The following AGAP1 variants were observed in gnomAD, a reference collection of about 807,000 sequenced individuals.
AGAP1 encodes arf-GAP with GTPase, ANK repeat and PH domain-containing protein 1.
Under a neutral mutation model 105.3 loss-of-function variants are expected in AGAP1, and 29 were observed. That is an observed-to-expected ratio of 0.28 (90% CI 0.21 to 0.38). AGAP1 has a LOEUF of 0.38. AGAP1 is among the 10% of genes least tolerant of loss of function. The pLI, the probability that AGAP1 is intolerant of heterozygous loss-of-function variation, is 1.00. For missense variants in AGAP1, 998 were observed against 1,165.1 expected (o/e 0.86, Z 2.09); for synonymous variants, 509 against 485.9 (o/e 1.05, Z -0.63).
intron 1 of AGAP1, among the ~76,000 whole-genome samples, chr2:235,589,360 C>T (rs1289165191): frequency 6.6e-6 from 1 of 151,914 alleles, no homozygotes; most frequent in Non-Finnish European, 1.5e-5. Flanking sequence ...CGCCTGCCAC[C>T]ATGCCCGGCT....
At chr2:235,743,566 C>T (rs1952714699) in intron 4 of AGAP1, among the ~76,000 whole-genome samples, 1 of 152,142 alleles carries the variant, frequency 6.6e-6, no homozygotes, top group South Asian at 2.1e-4. Flanking sequence ...TTCAAGTCCT[C>T]ATTCTCATTT....
chr2:236,089,381 A>G lies in AGAP1; in HGVS notation c.2115-30811A>G, dbSNP rs556565789. 1.3e-5 allele frequency among the ~76,000 whole-genome samples: 2 copies of G among 152,350 alleles called. No individual in the cohort carries two copies. Among genetic ancestry groups the G allele is most frequent in the East Asian group, 1.9e-4 (1 of 5,190 alleles). ...GCCTCTCAGTCTCCCAGTTGCAAAG[A>G]TGCCATCCCAGGTCAAGCTGAGGTC... On this transcript the variant is annotated intron_variant, in intron 16 of 17. Coordinates refer to ENST00000304032, the MANE Select transcript of AGAP1 (RefSeq NM_001037131.3). This position sits in a 1 kb window ranked among gnomAD's most constrained non-coding sequence, Gnocchi z 5.6.
chr2:235,593,859 C>G (rs7559054), intron 1 of AGAP1, among the ~76,000 whole-genome samples: 1 of 151,780 alleles, frequency 6.6e-6, no homozygotes, highest in Non-Finnish European at 1.5e-5. Flanking sequence ...GTCCCAGCTG[C>G]TTGGGAGGCT....
At chr2:235,709,335 C>T in intron 2 of AGAP1, 98 bp downstream of exon 2, 1 of 1,378,132 alleles carries the variant, frequency 7.3e-7, no homozygotes, top group Non-Finnish European at 1.0e-6. Flanking sequence ...GCCTGGGGCC[C>T]AGAGTGGAAG....
intron 13 of AGAP1, among the ~76,000 whole-genome samples, chr2:236,021,414 A>C (rs1206912511): frequency 6.6e-6 from 1 of 152,104 alleles, no homozygotes; most frequent in Non-Finnish European, 1.5e-5. Flanking sequence ...CCTGATGGCC[A>C]TGCTGGACTC....
intron 1 of AGAP1, among the ~76,000 whole-genome samples, chr2:235,575,651 C>G (rs1340577374): frequency 3.3e-5 from 5 of 152,216 alleles, no homozygotes; most frequent in African/African-American, 4.8e-5. Context: ...GCCCTGGGCT[C>G]TACTCCTGGA....
At position 235,979,110 on chromosome 2, in the gene AGAP1, G is replaced by A. The variant is rs1050218010; in HGVS notation, c.1645+10487G>A. On this transcript the variant is annotated intron_variant, in intron 13 of 17. Transcript: ENST00000304032. This position sits in a 1 kb window ranked among gnomAD's most constrained non-coding sequence, Gnocchi z 4.5. ...TTTTCTTTTTTTGGATGACAGAAGTGTATTTGTGGGGTTTTTTTGTTGTTG... is the reference window on the plus strand; with the variant it reads ...TTTTCTTTTTTTGGATGACAGAAGTATATTTGTGGGGTTTTTTTGTTGTTG... Among the ~76,000 whole-genome samples, 5 of 149,610 alleles carry A rather than the reference G, an allele frequency of 3.3e-5. No homozygotes were observed. The highest frequency in any genetic ancestry group is 1.2e-4 in the African/African-American group (5 of 40,574).
chr2:235,754,646 A>G lies in AGAP1; in HGVS notation c.673+4158A>G, dbSNP rs776101756. Among the ~76,000 whole-genome samples the G allele has an allele frequency of 1.3e-5, 2 of 152,166 alleles. No homozygotes were observed. Among genetic ancestry groups the G allele is most frequent in the Non-Finnish European group, 2.9e-5 (2 of 68,028 alleles). ...GTGTGGTCCTGTTTACTTTGCTTTC[A>G]TGGAGTTTCCAGATGGCTACTGGCA... On this transcript the variant is annotated intron_variant, in intron 6 of 17. Transcript: ENST00000304032. The surrounding 1 kb of genome is among the most constrained non-coding windows in gnomAD (Gnocchi z 4.6).
rs963124123 is a variant in AGAP1 at position 235,611,912 on chromosome 2, C to A, written c.164-97267C>A. On this transcript the variant is annotated intron_variant, in intron 1 of 17. Coordinates refer to ENST00000304032, the MANE Select transcript of AGAP1 (RefSeq NM_001037131.3). The surrounding 1 kb of genome is among the most constrained non-coding windows in gnomAD (Gnocchi z 5.0). ...TGTGACTGGGAGCATTGCTGTTTGGCATGCTTGTGGGCACGGTTTAAGGGT... is the reference window on the plus strand; with the variant it reads ...TGTGACTGGGAGCATTGCTGTTTGGAATGCTTGTGGGCACGGTTTAAGGGT... Among the ~76,000 whole-genome samples, 2 of 152,144 alleles carry A rather than the reference C, an allele frequency of 1.3e-5. No homozygotes were observed. The highest frequency in any genetic ancestry group is 4.8e-5 in the African/African-American group (2 of 41,444).
At chr2:236,093,350 G>C (rs547537800) in intron 16 of AGAP1, among the ~76,000 whole-genome samples, 1 of 152,316 alleles carries the variant, frequency 6.6e-6, no homozygotes, top group South Asian at 2.1e-4. Context: ...CCTGGACAGA[G>C]ACCTGGTGGC....
At chr2:236,108,784 G>A (rs921378113) in intron 16 of AGAP1, among the ~76,000 whole-genome samples, 15 of 151,936 alleles carry the variant, frequency 9.9e-5, no homozygotes, top group Admixed American at 3.9e-4. Context: ...CCCCCAGAGC[G>A]CCCCAGCCCT....
intron 13 of AGAP1, among the ~76,000 whole-genome samples, chr2:235,972,586 C>A (rs1393516495): frequency 6.6e-6 from 1 of 152,200 alleles, no homozygotes; most frequent in Non-Finnish European, 1.5e-5. Context: ...ACCTGTCCGG[C>A]TGTGGTGACC....
intron 1 of AGAP1, among the ~76,000 whole-genome samples, chr2:235,696,316 G>T (rs1949995309): frequency 6.6e-6 from 1 of 152,336 alleles, no homozygotes; most frequent in South Asian, 2.1e-4. Context: ...AAAATGTTGG[G>T]ATTACAGGCG....
chr2:235,586,237 T>C lies in AGAP1; in HGVS notation c.163+91388T>C, dbSNP rs577295719. On this transcript the variant is annotated intron_variant, in intron 1 of 17. Coordinates refer to ENST00000304032, the MANE Select transcript of AGAP1 (RefSeq NM_001037131.3). This position sits in a 1 kb window ranked among gnomAD's most constrained non-coding sequence, Gnocchi z 4.2. ...GAGCCCTCAGCCCGCCATACGGGCA[T>C]GTTATCCAGAAGAGAGGAGAGAGAA... Among the ~76,000 whole-genome samples, 1 of 152,326 alleles carries C rather than the reference T, an allele frequency of 6.6e-6. No homozygotes were observed. The highest frequency in any genetic ancestry group is 1.5e-5 in the Non-Finnish European group (1 of 68,032).
chr2:235,876,034 C>T (rs1284325938), intron 9 of AGAP1, among the ~76,000 whole-genome samples: 2 of 152,152 alleles, frequency 1.3e-5, no homozygotes, highest in East Asian at 3.9e-4. Flanking sequence ...CCAAGATCTC[C>T]TTGCTATAAT....
At position 235,600,640 on chromosome 2, in the gene AGAP1, C is replaced by T. The variant is rs536247306; in HGVS notation, c.163+105791C>T. Among the ~76,000 whole-genome samples the T allele has an allele frequency of 6.6e-6, 1 of 152,228 alleles. No homozygotes were observed. The highest frequency in any genetic ancestry group is 2.4e-5 in the African/African-American group (1 of 41,474). Reference sequence around the variant, plus strand: ...GCTGAAGAACTTGGAGCCTGATGTTCGAGGGCAGGAAGCATCCAGCACAGG... The same window carrying T: ...GCTGAAGAACTTGGAGCCTGATGTTTGAGGGCAGGAAGCATCCAGCACAGG... On this transcript the variant is annotated intron_variant, in intron 1 of 17. Coordinates refer to ENST00000304032, the MANE Select transcript of AGAP1 (RefSeq NM_001037131.3). This position sits in a 1 kb window ranked among gnomAD's most constrained non-coding sequence, Gnocchi z 4.8.
chr2:235,797,808 A>T lies in AGAP1; in HGVS notation c.723A>T (p.Gly241=). The part of the protein sequence containing the change: ...ATRKKQQLSI[G]PCKSLPNSPS... ...GGAAGAAGCAGCAGCTGTCCATAGG[A>T]CCCTGCAAGTCGCTACCTAATTCTC... The change falls in exon 7 of 18, where the codon GGA becomes GGT. Residue 241 remains glycine (G), a synonymous_variant. Coordinates refer to ENST00000304032, the MANE Select transcript of AGAP1 (RefSeq NM_001037131.3). The T allele has an allele frequency of 6.2e-7, 1 of 1,613,966 alleles. No individual in the cohort carries two copies. The highest frequency in any genetic ancestry group is 8.5e-7 in the Non-Finnish European group (1 of 1,179,978).
rs561170328 is a variant in AGAP1, at chr2:235,691,244, T to A, written c.164-17935T>A. 6.6e-5 allele frequency among the ~76,000 whole-genome samples: 10 copies of A among 152,210 alleles called. No individual in the cohort carries two copies. The highest frequency in any genetic ancestry group is 1.5e-4 in the Non-Finnish European group (10 of 68,002). On this transcript the variant is annotated intron_variant, in intron 1 of 17. Coordinates refer to ENST00000304032, the MANE Select transcript of AGAP1 (RefSeq NM_001037131.3). The surrounding 1 kb of genome is among the most constrained non-coding windows in gnomAD (Gnocchi z 4.4). ...CCACCGTCAATCAAGCACATGCGCA[T>A]AGGGCTCTGTGCCTGGCCCCAGGAC...
At position 235,556,870 on chromosome 2, in the gene AGAP1, G is replaced by T. The variant is rs1322145448; in HGVS notation, c.163+62021G>T. ...TTGGCTAAATTCCTGACCTAAGCTTGTGTGGTCTTTTGCTCTTCATTGGCA... is the reference window on the plus strand; with the variant it reads ...TTGGCTAAATTCCTGACCTAAGCTTTTGTGGTCTTTTGCTCTTCATTGGCA... On this transcript the variant is annotated intron_variant, in intron 1 of 17. Transcript: ENST00000304032. This position sits in a 1 kb window ranked among gnomAD's most constrained non-coding sequence, Gnocchi z 5.3. Among the ~76,000 whole-genome samples, 1 of 152,176 alleles carries T rather than the reference G, an allele frequency of 6.6e-6. No individual in the cohort carries two copies. The highest frequency in any genetic ancestry group is 1.5e-5 in the Non-Finnish European group (1 of 68,038).
Sources: allele counts gnomAD v4.1 joint callset (sites outside exome capture counted in the v4.1 genomes callset), GRCh38; gene constraint gnomAD v4.1.1; non-coding constraint Gnocchi (gnomAD v3.1); transcripts MANE v1.5; gene names NCBI Gene and HGNC (gene_info 2026-07-23, HGNC 2026-07-21).